Variants in EPN2 observed in about 807,000 individuals in gnomAD.
The protein encoded by EPN2 is epsin-2.
Under a neutral mutation model 61.7 loss-of-function variants are expected in EPN2, and 34 were observed. The observed-to-expected ratio is 0.55, with a 90% confidence interval of 0.42 to 0.73. The LOEUF (loss-of-function observed/expected upper bound fraction) is 0.73. Ranked by LOEUF, EPN2 falls within the 30% of genes least tolerant of loss-of-function variation. EPN2 has a pLI of 0.00. For missense variants in EPN2, 714 were observed against 839.2 expected, an observed-to-expected ratio of 0.85 and a Z score of 1.84; for synonymous variants, 349 against 353.6, an observed-to-expected ratio of 0.99 and a Z score of 0.15.
intron 7 of EPN2, among the ~76,000 whole-genome samples, chr17:19,315,227 T>C (rs1906330491): frequency 6.6e-6 from 1 of 152,242 alleles, no homozygotes; most frequent in Admixed American, 6.5e-5. Context: ...TGAACAGGGC[T>C]GTGCCCTGGA....
chr17:19,329,691 G>T (rs1598026910), intron 9 of EPN2, 44 bp downstream of exon 9: 2 of 1,136,738 alleles, frequency 1.8e-6, no homozygotes, highest in South Asian at 2.7e-5. Flanking sequence ...CCGTGCATTT[G>T]ACCAGCTGAG....
intron 4 of EPN2, among the ~76,000 whole-genome samples, chr17:19,286,960 C>T (rs1015064618): frequency 6.6e-6 from 1 of 152,184 alleles, no homozygotes; most frequent in Non-Finnish European, 1.5e-5. Context: ...CAGCAGGTCC[C>T]GCGGAACTCT....
intron 1 of EPN2, among the ~76,000 whole-genome samples, chr17:19,271,139 AG>A: frequency 6.6e-6 from 1 of 151,092 alleles, no homozygotes; most frequent in Admixed American, 6.6e-5. Context: ...AGTGGCAAAG[AG>A]GCTGGGCCTT....
intron 10 of EPN2, among the ~76,000 whole-genome samples, chr17:19,333,310 G>A (rs1411706770): frequency 6.6e-6 from 1 of 152,182 alleles, no homozygotes; most frequent in Non-Finnish European, 1.5e-5. Context: ...CCTGGGGGCT[G>A]CAGCCAAGAT....
At chr17:19,328,679 C>T (rs1361991982) in intron 7 of EPN2, 32 bp from the exon 8 acceptor site, 8 of 1,568,718 alleles carry the variant, frequency 5.1e-6, no homozygotes, top group Non-Finnish European at 6.1e-6. Flanking sequence ...CCTCTGAAGG[C>T]ATTTCTGAGC....
rs2044904367 is a variant in EPN2 at position 19,243,215 on chromosome 17, T to C, written c.-294+5684T>C. On this transcript the variant is annotated intron_variant, in intron 1 of 10. Coordinates refer to ENST00000314728, the MANE Select transcript of EPN2 (RefSeq NM_014964.5). ...TCATTAGGGAGGGGAGGCCTGAGAA[T>C]GTGTCTTTTTTTTTTTTTTTTTGAG... Among the ~76,000 whole-genome samples the C allele has an allele frequency of 3.6e-5, 4 of 110,606 alleles. No individual in the cohort carries two copies. The South Asian group carries it at 1.2e-3, about 33-fold the overall frequency. 72.6% of individuals were successfully genotyped at this position (110,606 alleles called of 152,430 possible).
At chr17:19,303,294 A>G (rs982301179) in intron 4 of EPN2, among the ~76,000 whole-genome samples, 8 of 152,202 alleles carry the variant, frequency 5.3e-5, no homozygotes, top group Non-Finnish European at 1.2e-4. Context: ...TCTCACGCTG[A>G]GGTCATGGTC....
At chr17:19,289,724 G>GTTTTGTTTTTTTTTTTTTTTTTTTTT (rs772230550) in intron 4 of EPN2, among the ~76,000 whole-genome samples, 8 of 78,048 alleles carry the variant, frequency 1.0e-4, no homozygotes, top group South Asian at 1.2e-3. Context: ...GGCGCTCATG[G>GTTTTGTTTTTTTTTTTTTTTTTTTTT]TTTTTTTTTT....
rs529904622 is a variant in EPN2 at position 19,335,621 on chromosome 17, G to A, written c.*1367G>A. 3.5e-6 allele frequency: 2 copies of A among 575,836 alleles called. No homozygotes were observed. The highest frequency in any genetic ancestry group is 1.9e-5 in the African/African-American group (1 of 52,940). The allele number at this position is 575,836 out of a possible 1,614,324, so 35.7% of individuals were successfully genotyped here. Reference sequence around the variant, plus strand: ...ACAGTCCCTAGGCTAAGACAGGGGTGGGGGGCTAAGGGACCAGGGCTGGCC... The same window carrying A: ...ACAGTCCCTAGGCTAAGACAGGGGTAGGGGGCTAAGGGACCAGGGCTGGCC... On this transcript the variant is annotated 3_prime_UTR_variant, in exon 11 of 11. Coordinates refer to ENST00000314728, the MANE Select transcript of EPN2 (RefSeq NM_014964.5).
intron 7 of EPN2, among the ~76,000 whole-genome samples, chr17:19,323,217 G>T (rs3785775): frequency 0.048 from 7,276 of 152,182 alleles, 226 homozygotes; most frequent in East Asian, 0.11. Flanking sequence ...TAAAAGTCAA[G>T]GGGGGGATTC....
At chr17:19,266,755 A>G (rs189047922) in intron 1 of EPN2, among the ~76,000 whole-genome samples, 9 of 152,110 alleles carry the variant, frequency 5.9e-5, no homozygotes, top group Middle Eastern at 3.4e-3. Flanking sequence ...ATGATAGCCA[A>G]AAAAATTAGT....
chr17:19,244,431 A>G (rs2044922574), intron 1 of EPN2, among the ~76,000 whole-genome samples: 1 of 151,300 alleles, frequency 6.6e-6, no homozygotes, highest in Admixed American at 6.6e-5. Context: ...TACACTCCAG[A>G]CTGTGTGAGG....
At chr17:19,242,285 AC>A (rs2044893207) in intron 1 of EPN2, among the ~76,000 whole-genome samples, 1 of 152,176 alleles carries the variant, frequency 6.6e-6, no homozygotes, top group Admixed American at 6.5e-5. Flanking sequence ...CCAAAAAAAT[AC>A]AAAAATTAGC....
At chr17:19,310,485 T>C (rs898783818) in intron 5 of EPN2, among the ~76,000 whole-genome samples, 1 of 152,098 alleles carries the variant, frequency 6.6e-6, no homozygotes, top group Non-Finnish European at 1.5e-5. Context: ...GTTTTGATGA[T>C]GGAAGTATGT....
intron 1 of EPN2, among the ~76,000 whole-genome samples, chr17:19,258,171 T>C (rs749838976): frequency 6.6e-6 from 1 of 152,168 alleles, no homozygotes; most frequent in Non-Finnish European, 1.5e-5. Flanking sequence ...ATGCTGATGC[T>C]GAGACAGTGT....
rs1247124849 is a variant in EPN2 at position 19,285,637 on chromosome 17, T to C, written c.613T>C (p.Cys205Arg). Reference sequence around the variant, plus strand: ...CCCCACAGCGCCTGAGGCCTCGCTGTGCCCCCAGCACCGCACAGGGGCCCC... The same window carrying C: ...CCCCACAGCGCCTGAGGCCTCGCTGCGCCCCCAGCACCGCACAGGGGCCCC... ...SYHGSPEASL[C>R]PQHRTGAPLG... Residue 205 changes from cysteine (C) to arginine (R), a missense_variant, in exon 4 of 11, where the codon TGC (cysteine) becomes CGC (arginine). By Grantham distance (180) the Cys-to-Arg change is radical. This residue lies in a region of EPN2 where 304 missense variants were observed against 417.4 expected (regional missense o/e 0.73). Coordinates refer to ENST00000314728, the MANE Select transcript of EPN2 (RefSeq NM_014964.5). This position sits in a 1 kb window ranked among gnomAD's most constrained non-coding sequence, Gnocchi z 4.5. 1.2e-5 allele frequency: 18 copies of C among 1,555,818 alleles called. No homozygotes were observed. The South Asian group carries it at 1.7e-4, about 14-fold the overall frequency.
Position 19,303,246 on chromosome 17 carries a change from A to G in EPN2, c.767-6639A>G, listed in dbSNP as rs180938223. Among the ~76,000 whole-genome samples the G allele has an allele frequency of 1.7e-3, 264 of 152,338 alleles. 1 individual carries two copies. The highest frequency in any genetic ancestry group is 5.9e-3 in the African/African-American group (244 of 41,558). On this transcript the variant is annotated intron_variant, in intron 4 of 10. Coordinates refer to ENST00000314728, the MANE Select transcript of EPN2 (RefSeq NM_014964.5). ...GTCACACAGCCACTGTCACACACACAGTCACACACCTCACAAAATGGGAAA... is the reference window on the plus strand; with the variant it reads ...GTCACACAGCCACTGTCACACACACGGTCACACACCTCACAAAATGGGAAA...
chr17:19,307,547 C>T (rs563241890), intron 4 of EPN2, among the ~76,000 whole-genome samples: 8 of 152,292 alleles, frequency 5.3e-5, no homozygotes, highest in African/African-American at 1.4e-4. Flanking sequence ...CTCCTGACCT[C>T]GTAGCTAGAA....
In EPN2 at chr17:19,260,434, C is replaced by T. The variant is rs568845791; in HGVS notation, c.-293-21521C>T. ...CAGAAAGGAAGGGACAGACGCGGGA[C>T]GGTGCAGGGTCCCTGCCCTCCAGCT... On this transcript the variant is annotated intron_variant, in intron 1 of 10. Transcript: ENST00000314728. Among the ~76,000 whole-genome samples, 4 of 152,264 alleles carry T rather than the reference C, an allele frequency of 2.6e-5. No individual in the cohort carries two copies. In the South Asian group the frequency reaches 8.3e-4, roughly 32 times the overall value.
Sources: allele counts gnomAD v4.1 joint callset (sites outside exome capture counted in the v4.1 genomes callset), GRCh38; gene constraint gnomAD v4.1.1; regional missense constraint gnomAD v4.1.1; non-coding constraint Gnocchi (gnomAD v3.1); transcripts MANE v1.5; gene names NCBI Gene and HGNC (gene_info 2026-07-23, HGNC 2026-07-21).